The following LRCH1 variants were observed in gnomAD, a reference collection of about 807,000 sequenced individuals.
LRCH1 encodes leucine rich repeats and calponin homology domain containing 1.
Under a neutral mutation model 94.9 loss-of-function variants are expected in LRCH1, and 23 were observed. The observed-to-expected ratio is 0.24, with a 90% confidence interval of 0.17 to 0.34. The LOEUF (loss-of-function observed/expected upper bound fraction) is 0.34. Among genes scored for constraint, LRCH1 ranks in the 10% least tolerant of loss-of-function variants. The pLI, the probability that LRCH1 is intolerant of heterozygous loss-of-function variation, is 1.00. For synonymous variants in LRCH1, 364 were observed against 354.9 expected (o/e 1.03, Z -0.29); for missense variants, 790 against 945.9 (o/e 0.84, Z 2.16).
chr13:46,734,590 T>G (rs1873278744), intron 19 of LRCH1, among the ~76,000 whole-genome samples: 1 of 152,252 alleles, frequency 6.6e-6, no homozygotes, highest in African/African-American at 2.4e-5. Flanking sequence ...GGCAATTCAA[T>G]TACATATAGT....
At chr13:46,626,729 G>A (rs1227096762) in intron 1 of LRCH1, among the ~76,000 whole-genome samples, 2 of 152,182 alleles carry the variant, frequency 1.3e-5, no homozygotes, top group Non-Finnish European at 2.9e-5. Context: ...TACAATTTTT[G>A]CTGAAGTTTT....
chr13:46,605,972 A>G (rs2050682261), intron 1 of LRCH1, among the ~76,000 whole-genome samples: 1 of 152,236 alleles, frequency 6.6e-6, no homozygotes, highest in Admixed American at 6.5e-5. Flanking sequence ...ACTCAGAGAC[A>G]TGAAGTGACT....
At chr13:46,631,923 C>T (rs575915106) in intron 1 of LRCH1, among the ~76,000 whole-genome samples, 192 of 152,160 alleles carry the variant, frequency 1.3e-3, no homozygotes, top group Non-Finnish European at 2.2e-3. Flanking sequence ...TAATTCAGGC[C>T]GGGCGTGGTG....
At chr13:46,724,676 G>A (rs1872729137) in intron 17 of LRCH1, among the ~76,000 whole-genome samples, 1 of 152,160 alleles carries the variant, frequency 6.6e-6, no homozygotes, top group Non-Finnish European at 1.5e-5. Flanking sequence ...TAACAGTATA[G>A]GAATCAATCA....
chr13:46,631,576 CT>C (rs554042701), intron 1 of LRCH1, among the ~76,000 whole-genome samples: 273 of 151,372 alleles, frequency 1.8e-3, no homozygotes, highest in Admixed American at 5.1e-3. Context: ...AGCTTTTCTA[CT>C]TTTTTTTTCT....
intron 1 of LRCH1, among the ~76,000 whole-genome samples, chr13:46,589,475 T>C (rs2050474142): frequency 6.6e-6 from 1 of 152,174 alleles, no homozygotes; most frequent in South Asian, 2.1e-4. Flanking sequence ...GTCTCCAAAT[T>C]GTCTTTTATG....
chr13:46,671,240 T>C lies in LRCH1; in HGVS notation c.579+2084T>C, dbSNP rs569904872. ...AGATCTCACTTTGTCCAAAAAGCCT[T>C]CCCAGATCCTCCAAGCCTGAGTTAG... is the stretch of plus-strand genomic sequence containing the variant. On this transcript the variant is annotated intron_variant, in intron 3 of 19. Coordinates refer to ENST00000389797, the MANE Select transcript of LRCH1 (RefSeq NM_001164211.2). Among the ~76,000 whole-genome samples, 84 of 152,342 alleles carry C rather than the reference T, an allele frequency of 5.5e-4. 1 individual carries two copies. Among genetic ancestry groups the C allele is most frequent in the African/African-American group, 1.9e-3 (81 of 41,580 alleles).
chr13:46,553,404 C>G lies in LRCH1; in HGVS notation c.8C>G (p.Thr3Arg). 1.3e-6 allele frequency: 2 copies of G among 1,538,624 alleles called. No homozygotes were observed. The highest frequency in any genetic ancestry group is 1.2e-5 in the South Asian group (1 of 83,680). Residue 3 changes from threonine to arginine, a missense_variant, in exon 1 of 20, where the codon ACG (threonine) becomes AGG (arginine). Physicochemically the swap from Thr to Arg is moderately conservative, Grantham distance 71. This residue lies in a region of LRCH1 where 136 missense variants were observed against 143.5 expected (regional missense o/e 0.95). Coordinates refer to ENST00000389797, the MANE Select transcript of LRCH1 (RefSeq NM_001164211.2). Reference sequence around the variant, plus strand: ...GGGGGGGCCCGGGAGAAGATGGCGACGCCGGGAAGCGAACCCCAACCTTTC... The same window carrying G: ...GGGGGGGCCCGGGAGAAGATGGCGAGGCCGGGAAGCGAACCCCAACCTTTC... MA[T>R]PGSEPQPFVP... is the part of the protein sequence containing the mutation.
intron 2 of LRCH1, among the ~76,000 whole-genome samples, chr13:46,661,672 G>A (rs842371): frequency 0.032 from 4,814 of 152,224 alleles, 287 homozygotes; most frequent in African/African-American, 0.11. Context: ...GGAGGGATGA[G>A]TAGGAAAAAA....
At chr13:46,750,894 C>A (rs1202085820) in exon 19 of LRCH1, 7 of 365,354 alleles carry the variant, frequency 1.9e-5, no homozygotes, top group Non-Finnish European at 3.5e-5. Flanking sequence ...AAAAACTGAG[C>A]AGCACATCAA....
chr13:46,576,087 A>G (rs1030260994), intron 1 of LRCH1, among the ~76,000 whole-genome samples: 3 of 152,202 alleles, frequency 2.0e-5, no homozygotes, highest in Non-Finnish European at 4.4e-5. Context: ...GCACATGCTG[A>G]TTATGGCCAA....
intron 1 of LRCH1, among the ~76,000 whole-genome samples, chr13:46,587,281 G>A (rs564165230): frequency 6.6e-6 from 1 of 152,266 alleles, no homozygotes; most frequent in South Asian, 2.1e-4. Context: ...TTCAGCCAAT[G>A]GAATGGCATA....
At position 46,743,703 on chromosome 13, in the gene LRCH1, G is replaced by A. The variant is rs906590371; in HGVS notation, c.*1855G>A. 1.0e-6 allele frequency: 1 copy of A among 982,016 alleles called. No homozygotes were observed. Among genetic ancestry groups the A allele is most frequent in the African/African-American group, 1.8e-5 (1 of 56,182 alleles). The allele number at this position is 982,016 out of a possible 1,614,324, so 60.8% of individuals were successfully genotyped here. ...TCTCTTTAATGGTCACCACTGTGGT[G>A]GTTTTTCCCTTCTTTCTGGGGAGAA... On this transcript the variant is annotated 3_prime_UTR_variant, in exon 20 of 20. Coordinates refer to ENST00000389797, the MANE Select transcript of LRCH1 (RefSeq NM_001164211.2).
chr13:46,741,710 T>C lies in LRCH1; in HGVS notation c.2154T>C (p.Thr718=). 1 of 1,614,228 alleles carries C rather than the reference T, an allele frequency of 6.2e-7. No homozygotes were observed. The highest frequency in any genetic ancestry group is 8.5e-7 in the Non-Finnish European group (1 of 1,180,028). The part of the protein sequence containing the change: ...DFRHIRKTVD[T]LLALGEKAPP... ...GTCACATTCGAAAGACTGTTGACAC[T>C]CTGCTGGCACTCGGGGAGAAAGCCC... is the stretch of plus-strand genomic sequence containing the variant. Residue 718 remains threonine, a synonymous_variant, in exon 20 of 20, where the codon ACT becomes ACC. Coordinates refer to ENST00000389797, the MANE Select transcript of LRCH1 (RefSeq NM_001164211.2).
At chr13:46,750,456 T>TTTGATG in intron 18 of LRCH1, 1 of 972,574 alleles carries the variant, frequency 1.0e-6, no homozygotes, top group Non-Finnish European at 1.6e-6. Context: ...TCAACCTAAC[T>TTTGATG]TTGATGTCAT....
At chr13:46,710,535 G>A (rs1325914364) in intron 13 of LRCH1, among the ~76,000 whole-genome samples, 1 of 152,160 alleles carries the variant, frequency 6.6e-6, no homozygotes, top group Non-Finnish European at 1.5e-5. Flanking sequence ...GAACGGGGAA[G>A]GGTCTGCGAG....
intron 3 of LRCH1, among the ~76,000 whole-genome samples, chr13:46,681,465 C>T (rs1297076522): frequency 6.6e-6 from 1 of 152,164 alleles, no homozygotes; most frequent in Non-Finnish European, 1.5e-5. Context: ...TCAGTAAAAT[C>T]GAAGCATGTC....
At chr13:46,687,030 C>T (rs917701206) in intron 5 of LRCH1, among the ~76,000 whole-genome samples, 5 of 124,766 alleles carry the variant, frequency 4.0e-5, no homozygotes, top group Non-Finnish European at 7.8e-5. Flanking sequence ...GTGATCTTGG[C>T]TTACTGCAGC....
chr13:46,596,886 C>T (rs985605112), intron 1 of LRCH1, among the ~76,000 whole-genome samples: 2 of 152,210 alleles, frequency 1.3e-5, no homozygotes, highest in South Asian at 2.1e-4. Flanking sequence ...AAGATAGTAA[C>T]TAGTGCTCTA....
Sources: gnomAD v4.1 joint callset for allele counts (sites outside exome capture counted in the v4.1 genomes callset) on GRCh38, gnomAD v4.1.1 for gene constraint, gnomAD v4.1.1 regional missense constraint, MANE v1.5 for transcripts, NCBI Gene and HGNC (gene_info 2026-07-23, HGNC 2026-07-21) for gene names.